Variants in KIDINS220 observed in about 807,000 individuals in gnomAD.
KIDINS220 encodes kinase D interacting substrate 220.
In KIDINS220, 63 loss-of-function variants were observed where a neutral mutation model predicts 157.6. That is an observed-to-expected ratio of 0.40 (90% confidence interval 0.33 to 0.49). KIDINS220 has a LOEUF of 0.49. Among genes scored for constraint, KIDINS220 ranks in the 20% least tolerant of loss-of-function variants. The pLI is 0.66. For synonymous variants in KIDINS220, 732 were observed against 783.6 expected (o/e 0.93, Z 1.10); for missense variants, 1,772 against 2,171.2 (o/e 0.82, Z 3.65).
chr2:8,749,526 T>G, intron 24 of KIDINS220: 1 of 386,938 alleles, frequency 2.6e-6, no homozygotes. Flanking sequence ...GCATTTCATC[T>G]TTTCATCTGG....
At chr2:8,825,217 T>A (rs1167241596) in intron 2 of KIDINS220, among the ~76,000 whole-genome samples, 1 of 151,132 alleles carries the variant, frequency 6.6e-6, no homozygotes, top group Non-Finnish European at 1.5e-5. Context: ...ACTAAAAATA[T>A]AAAAAATTAG....
rs140417878 is a variant in KIDINS220, at chr2:8,733,650, C to T, written c.3847G>A (p.Val1283Met). Residue 1283 changes from valine (V) to methionine (M), a missense_variant, in exon 29 of 30, where the codon GTG (valine) becomes ATG (methionine). Val to Met is a conservative substitution (Grantham distance 21, BLOSUM62 1). This residue lies in a region of KIDINS220 where 793 missense variants were observed against 885.5 expected (regional missense o/e 0.90). Transcript: ENST00000256707. Reference sequence around the variant, plus strand: ...AGGAAACGTGGGTCTTCAGGGACCACGTGGCTTTCTGCGTTTCTCATTTCT... The same window carrying T: ...AGGAAACGTGGGTCTTCAGGGACCATGTGGCTTTCTGCGTTTCTCATTTCT... Reference protein sequence around the residue: ...VLEMRNAESHVVPEDPRFLSE... With the variant: ...VLEMRNAESHMVPEDPRFLSE... 122 of 1,588,792 alleles carry T rather than the reference C, an allele frequency of 7.7e-5. No homozygotes were observed. The African/African-American group carries it at 1.4e-3, about 18-fold the overall frequency.
chr2:8,789,846 C>A, intron 14 of KIDINS220, 34 bp downstream of exon 14: 2 of 1,470,264 alleles, frequency 1.4e-6, no homozygotes, highest in Admixed American at 2.3e-5. Flanking sequence ...AACGTTTTCT[C>A]CATTTTTGAA....
chr2:8,766,661 T>C (rs2148138478), intron 22 of KIDINS220, among the ~76,000 whole-genome samples: 1 of 152,286 alleles, frequency 6.6e-6, no homozygotes, highest in East Asian at 1.9e-4. Flanking sequence ...AATTTTAAGC[T>C]TTCTCCCCTT....
chr2:8,827,008 T>C lies in KIDINS220; in HGVS notation c.86A>G (p.Lys29Arg). Residue 29 changes from lysine (K) to arginine (R), a missense_variant, in exon 2 of 30, where the codon AAA becomes AGA. Lys to Arg is a conservative substitution (Grantham distance 26). This residue lies in a region of KIDINS220 where 254 missense variants were observed against 268.6 expected (regional missense o/e 0.95). Coordinates refer to ENST00000256707, the MANE Select transcript of KIDINS220 (RefSeq NM_020738.4). ...PALKALLEKC[K>R]DVDERNECGQ... ...TACCTCATTTCTCTCATCTACATCT[T>C]TGCATTTTTCAAGAAGAGCTTTCAG... is the stretch of plus-strand genomic sequence containing the variant. 1.2e-6 allele frequency: 2 copies of C among 1,608,200 alleles called. No homozygotes were observed. Among genetic ancestry groups the C allele is most frequent in the Non-Finnish European group, 1.7e-6 (2 of 1,175,748 alleles).
rs1396950168 is a variant in KIDINS220, at chr2:8,730,037, A to G, written c.*683T>C. 1.7e-5 allele frequency: 17 copies of G among 985,334 alleles called. No homozygotes were observed. Among genetic ancestry groups the G allele is most frequent in the Non-Finnish European group, 2.0e-5 (17 of 830,000 alleles). The allele number at this position is 985,334 out of a possible 1,614,324, so 61.0% of individuals were successfully genotyped here. ...TTGGAGAGAAGAGTTTCCGACATATAAACCCACGGAGGTCACCAGCCCTCC... is the reference window on the plus strand; with the variant it reads ...TTGGAGAGAAGAGTTTCCGACATATGAACCCACGGAGGTCACCAGCCCTCC... On this transcript the variant is annotated 3_prime_UTR_variant, in exon 30 of 30. Coordinates refer to ENST00000256707, the MANE Select transcript of KIDINS220 (RefSeq NM_020738.4).
chr2:8,757,598 C>T, intron 22 of KIDINS220: 2 of 1,574,794 alleles, frequency 1.3e-6, no homozygotes. Flanking sequence ...GAATATTTGC[C>T]ATTTTCAGTC....
In KIDINS220 at chr2:8,730,975, G is replaced by A. The variant is rs1316992667; in HGVS notation, c.5061C>T (p.Asn1687=). 3.7e-6 allele frequency: 6 copies of A among 1,614,090 alleles called. No individual in the cohort carries two copies. The South Asian group carries it at 4.4e-5, about 12-fold the overall frequency. Residue 1687 remains asparagine, a synonymous_variant, in exon 30 of 30, where the codon AAC becomes AAT. Transcript: ENST00000256707. ...TGGCTCTGTTGGCTGGAGCACTATT[G>A]TTGTTCAGAGTCACGGTGCTGGGAG... The part of the protein sequence containing the change: ...NRTPSTVTLN[N]NSAPANRANQ...
chr2:8,803,144 C>A lies in KIDINS220; in HGVS notation c.604-17G>T. ...CATTGAATTCTAAAAACAACAACAA[C>A]AAAAACAAAACAAAACGCAAGCCCA... On this transcript the variant is annotated splice_polypyrimidine_tract_variant and intron_variant, in intron 7 of 29. Coordinates refer to ENST00000256707, the MANE Select transcript of KIDINS220 (RefSeq NM_020738.4). The A allele has an allele frequency of 1.9e-6, 3 of 1,584,332 alleles. No individual in the cohort carries two copies. The highest frequency in any genetic ancestry group is 2.6e-6 in the Non-Finnish European group (3 of 1,165,236).
intron 27 of KIDINS220, among the ~76,000 whole-genome samples, chr2:8,735,358 T>C (rs1664719186): frequency 6.6e-6 from 1 of 151,960 alleles, no homozygotes; most frequent in African/African-American, 2.4e-5. Context: ...ATGGTGAAAT[T>C]CCATCTCTAT....
chr2:8,807,111 C>G (rs1675557571), intron 6 of KIDINS220, among the ~76,000 whole-genome samples: 1 of 152,168 alleles, frequency 6.6e-6, no homozygotes, highest in Non-Finnish European at 1.5e-5. Context: ...TTCACAGTAT[C>G]ACATTTTCAC....
At position 8,796,855 on chromosome 2, in the gene KIDINS220, T is replaced by G. The variant is rs773999732; in HGVS notation, c.1014A>C (p.Pro338=). The change falls in exon 11 of 30, where the codon CCA becomes CCC. Residue 338 remains proline, a synonymous_variant. Transcript: ENST00000256707. ...TTCTCATCTTGGTAGCCTTTATAAG[T>G]GGCGTTTCACCATCCTGTGGGCACA... ...TEICTKDGET[P]LIKATKMRNI... 6.2e-7 allele frequency: 1 copy of G among 1,613,924 alleles called. No homozygotes were observed. Among genetic ancestry groups the G allele is most frequent in the East Asian group, 2.2e-5 (1 of 44,890 alleles).
chr2:8,807,578 G>A (rs1304486050), intron 6 of KIDINS220, among the ~76,000 whole-genome samples: 3 of 152,114 alleles, frequency 2.0e-5, no homozygotes, highest in African/African-American at 7.2e-5. Flanking sequence ...AAGTAGTCCT[G>A]TGCTAGTGGC....
chr2:8,737,335 G>A, intron 26 of KIDINS220: 10 of 170,852 alleles, frequency 5.9e-5, no homozygotes, highest in South Asian at 1.8e-4. Flanking sequence ...GAAGAAGAGA[G>A]GTTAAAAAAA....
At chr2:8,743,399 G>T (rs1665895368) in intron 26 of KIDINS220, among the ~76,000 whole-genome samples, 1 of 152,138 alleles carries the variant, frequency 6.6e-6, no homozygotes, top group Non-Finnish European at 1.5e-5. Flanking sequence ...TGGCCTTTGG[G>T]CAGTAGTAGC....
chr2:8,747,844 T>G, intron 25 of KIDINS220, 43 bp downstream of exon 25: 1 of 1,265,466 alleles, frequency 7.9e-7, no homozygotes, highest in Non-Finnish European at 1.1e-6. Context: ...CTATCTATGT[T>G]TATTATTAAA....
At chr2:8,835,659 C>CAAAAAAA (rs56986834) in intron 1 of KIDINS220, among the ~76,000 whole-genome samples, 2 of 87,268 alleles carry the variant, frequency 2.3e-5, no homozygotes, top group African/African-American at 4.4e-5. Context: ...GACCCTGTCT[C>CAAAAAAA]AAAAAAAAAA....
chr2:8,734,626 T>C, intron 28 of KIDINS220, 29 bp downstream of exon 28: 8 of 1,413,782 alleles, frequency 5.7e-6, no homozygotes, highest in Non-Finnish European at 8.0e-6. Context: ...AATAATGTTG[T>C]AAACATCACA....
At position 8,789,787 on chromosome 2, in the gene KIDINS220, G is replaced by T. The variant is rs573163301; in HGVS notation, c.1621+93C>A. Reference sequence around the variant, plus strand: ...ACCCAATTATGAAAATCACATACAGGTTTTAAAAGACAGATAAAGAAAATG... The same window carrying T: ...ACCCAATTATGAAAATCACATACAGTTTTTAAAAGACAGATAAAGAAAATG... On this transcript the variant is annotated intron_variant, in intron 14 of 29. Coordinates refer to ENST00000256707, the MANE Select transcript of KIDINS220 (RefSeq NM_020738.4). 1.8e-3 allele frequency: 1,769 copies of T among 985,118 alleles called. 4 individuals carry two copies. Among genetic ancestry groups the T allele is most frequent in the Middle Eastern group, 0.012 (37 of 3,104 alleles). 61.0% of individuals were successfully genotyped at this position (985,118 alleles called of 1,614,324 possible).
Sources: gnomAD v4.1 joint callset for allele counts (sites outside exome capture counted in the v4.1 genomes callset) on GRCh38, gnomAD v4.1.1 for gene constraint, gnomAD v4.1.1 regional missense constraint, MANE v1.5 for transcripts, NCBI Gene and HGNC (gene_info 2026-07-23, HGNC 2026-07-21) for gene names.